SLC24A3: variants seen among roughly 807,000 people sequenced by gnomAD.
The protein encoded by SLC24A3 is sodium/potassium/calcium exchanger 3.
A neutral mutation model predicts 75.8 loss-of-function variants in SLC24A3; 28 were observed. That is an observed-to-expected ratio of 0.37 (90% confidence interval 0.27 to 0.51). SLC24A3 has a LOEUF of 0.51. SLC24A3 is among the 20% of genes least tolerant of loss of function. The probability of loss-of-function intolerance (pLI) is 0.94; values close to 1 mark genes in which losing one functional copy is unlikely to be tolerated. For synonymous variants in SLC24A3, 372 were observed against 334.1 expected, an observed-to-expected ratio of 1.11 and a Z score of -1.24; for missense variants, 663 against 847.8, an observed-to-expected ratio of 0.78 and a Z score of 2.71.
intron 2 of SLC24A3, among the ~76,000 whole-genome samples, chr20:19,470,804 G>A (rs1987858091): frequency 6.6e-6 from 1 of 152,208 alleles, no homozygotes; most frequent in Non-Finnish European, 1.5e-5. Context: ...TGTTAGTGAT[G>A]TGAAACTCAC....
At chr20:19,543,308 G>GA (rs2030533284) in intron 3 of SLC24A3, among the ~76,000 whole-genome samples, 1 of 152,192 alleles carries the variant, frequency 6.6e-6, no homozygotes. Context: ...GGCAAGGAAA[G>GA]AAAAAACCGG....
At chr20:19,313,536 C>A (rs1984512007) in intron 2 of SLC24A3, among the ~76,000 whole-genome samples, 1 of 152,244 alleles carries the variant, frequency 6.6e-6, no homozygotes, top group South Asian at 2.1e-4. Context: ...CTGAGCTAGG[C>A]TGGAACCCAG....
intron 7 of SLC24A3, among the ~76,000 whole-genome samples, chr20:19,659,690 G>A (rs564865607): frequency 5.9e-5 from 9 of 152,236 alleles, no homozygotes; most frequent in African/African-American, 2.2e-4. Context: ...GTCAGGGACC[G>A]GTAATACCTC....
chr20:19,702,864 A>C (rs886890217), intron 15 of SLC24A3, among the ~76,000 whole-genome samples: 1 of 152,224 alleles, frequency 6.6e-6, no homozygotes, highest in African/African-American at 2.4e-5. Flanking sequence ...TAAAAATTCA[A>C]TGGAAAAATT....
At chr20:19,534,306 G>A (rs939739471) in intron 3 of SLC24A3, among the ~76,000 whole-genome samples, 1 of 152,200 alleles carries the variant, frequency 6.6e-6, no homozygotes, top group African/African-American at 2.4e-5. Flanking sequence ...AGGTACAACT[G>A]CAAAAAGCAA....
rs573253842 is a variant in SLC24A3 at position 19,358,695 on chromosome 20, C to T, written c.271+77608C>T. On this transcript the variant is annotated intron_variant, in intron 2 of 16. Transcript: ENST00000328041. ...GTGTACGATTTAGTAGTATTTAGTA[C>T]ATTCACGTTGCTGTACAACCATCAC... is the stretch of plus-strand genomic sequence containing the variant. Among the ~76,000 whole-genome samples the T allele has an allele frequency of 1.1e-4, 17 of 152,254 alleles. No individual in the cohort carries two copies. In the South Asian group the frequency reaches 2.7e-3, roughly 24 times the overall value.
intron 4 of SLC24A3, among the ~76,000 whole-genome samples, chr20:19,582,587 A>G (rs1226919140): frequency 6.6e-6 from 1 of 152,204 alleles, no homozygotes; most frequent in Non-Finnish European, 1.5e-5. Flanking sequence ...TGGTGCTTAC[A>G]AAGCACCTGC....
chr20:19,373,474 G>A (rs1295860705), intron 2 of SLC24A3, among the ~76,000 whole-genome samples: 2 of 152,186 alleles, frequency 1.3e-5, no homozygotes, highest in Admixed American at 1.3e-4. Context: ...CACTCAGCAG[G>A]CAGATCCTTG....
At chr20:19,449,244 G>A (rs1045705268) in intron 2 of SLC24A3, among the ~76,000 whole-genome samples, 3 of 152,208 alleles carry the variant, frequency 2.0e-5, no homozygotes, top group South Asian at 2.1e-4. Context: ...CAGCTCCCCT[G>A]CATTCCCAGG....
intron 8 of SLC24A3, among the ~76,000 whole-genome samples, chr20:19,671,997 TA>T (rs2032473861): frequency 6.6e-6 from 1 of 152,102 alleles, no homozygotes; most frequent in Non-Finnish European, 1.5e-5. Context: ...GAGAGGGTTT[TA>T]TGAAGCGGGG....
At chr20:19,692,514 C>T (rs569271699) in intron 12 of SLC24A3, among the ~76,000 whole-genome samples, 2 of 152,076 alleles carry the variant, frequency 1.3e-5, no homozygotes, top group South Asian at 4.2e-4. Flanking sequence ...AAGGAAGGCA[C>T]GAAAACATCC....
At chr20:19,233,615 C>A (rs1982086510) in intron 1 of SLC24A3, among the ~76,000 whole-genome samples, 1 of 152,204 alleles carries the variant, frequency 6.6e-6, no homozygotes, top group Non-Finnish European at 1.5e-5. Context: ...TTTTAGAAGA[C>A]ACCAGGAATG....
intron 2 of SLC24A3, among the ~76,000 whole-genome samples, chr20:19,344,938 C>T (rs73286650): frequency 0.093 from 14,153 of 152,160 alleles, 1,718 homozygotes; most frequent in African/African-American, 0.28. Context: ...CAAAAATGTC[C>T]GTTCTCATCA....
At chr20:19,294,305 T>G (rs898386409) in intron 2 of SLC24A3, among the ~76,000 whole-genome samples, 11 of 152,170 alleles carry the variant, frequency 7.2e-5, no homozygotes, top group African/African-American at 2.7e-4. Flanking sequence ...TAATTGTATT[T>G]TATATTAAGT....
chr20:19,612,358 C>T (rs141731957), intron 6 of SLC24A3, among the ~76,000 whole-genome samples: 1,923 of 152,144 alleles, frequency 0.013, 20 homozygotes, highest in Non-Finnish European at 0.017. Flanking sequence ...CACCACAGGG[C>T]GAATATGGTT....
chr20:19,596,055 A>G (rs924347843), intron 6 of SLC24A3, among the ~76,000 whole-genome samples: 27 of 152,158 alleles, frequency 1.8e-4, no homozygotes, highest in African/African-American at 6.5e-4. Context: ...GGGGCCGATC[A>G]TGTCCAGCCT....
rs1346552289 is a variant in SLC24A3, at chr20:19,304,134, C to T, written c.271+23047C>T. Reference sequence around the variant, plus strand: ...TTTAAACAAGTTAACATAAAAAGACCGTGATCATATCTTCCCTAGCTTCTC... The same window carrying T: ...TTTAAACAAGTTAACATAAAAAGACTGTGATCATATCTTCCCTAGCTTCTC... On this transcript the variant is annotated intron_variant, in intron 2 of 16. Coordinates refer to ENST00000328041, the MANE Select transcript of SLC24A3 (RefSeq NM_020689.4). 4.6e-5 allele frequency among the ~76,000 whole-genome samples: 7 copies of T among 152,218 alleles called. No homozygotes were observed. The East Asian group carries it at 7.7e-4, about 17-fold the overall frequency.
intron 9 of SLC24A3, among the ~76,000 whole-genome samples, chr20:19,674,202 T>A (rs1336469491): frequency 6.6e-6 from 1 of 152,226 alleles, no homozygotes; most frequent in African/African-American, 2.4e-5. Context: ...AAATCATGGA[T>A]CAAATATCTG....
rs983175802 is a variant in SLC24A3 at position 19,310,164 on chromosome 20, C to T, written c.271+29077C>T. ...TAACTGATTTTTCATTTTCTTGAAC[C>T]GATAGACCCTTGCTTTCACATTACC... On this transcript the variant is annotated intron_variant, in intron 2 of 16. Coordinates refer to ENST00000328041, the MANE Select transcript of SLC24A3 (RefSeq NM_020689.4). 5.9e-5 allele frequency among the ~76,000 whole-genome samples: 9 copies of T among 152,258 alleles called. No homozygotes were observed. The South Asian group carries it at 6.2e-4, about 11-fold the overall frequency.
Sources: allele counts gnomAD v4.1 joint callset (sites outside exome capture counted in the v4.1 genomes callset), GRCh38; gene constraint gnomAD v4.1.1; transcripts MANE v1.5; gene names NCBI Gene and HGNC (gene_info 2026-07-23, HGNC 2026-07-21).